NALF1: variants seen among roughly 807,000 people sequenced by gnomAD.
NALF1 encodes NALCN channel auxiliary factor 1.
A neutral mutation model predicts 48.4 loss-of-function variants in NALF1; 3 were observed. The ratio of observed to expected loss-of-function variants is 0.06; its 90% CI spans 0.03 to 0.16. NALF1 has a LOEUF of 0.16. Among genes scored for constraint, NALF1 ranks in the 10% least tolerant of loss-of-function variants. NALF1 has a pLI of 1.00. For missense variants in NALF1, 526 were observed against 571.5 expected (o/e 0.92, Z 0.81); for synonymous variants, 262 against 245.7 (o/e 1.07, Z -0.62).
intron 1 of NALF1, among the ~76,000 whole-genome samples, chr13:107,259,261 G>A (rs1389284973): frequency 5.3e-5 from 8 of 152,064 alleles, no homozygotes; most frequent in Admixed American, 4.6e-4. Flanking sequence ...TACAAGTAAC[G>A]GATCTTCAAT....
intron 1 of NALF1, among the ~76,000 whole-genome samples, chr13:107,502,064 A>G (rs1247199167): frequency 2.0e-5 from 3 of 152,172 alleles, no homozygotes; most frequent in African/African-American, 7.2e-5. Context: ...ATTGCTAAGC[A>G]CCTGTTTCAT....
intron 1 of NALF1, among the ~76,000 whole-genome samples, chr13:107,548,739 G>A (rs935290528): frequency 1.3e-5 from 2 of 151,984 alleles, no homozygotes; most frequent in African/African-American, 4.8e-5. Context: ...TGTTCTGTTG[G>A]ACCCATTGAT....
chr13:107,677,114 T>A (rs1263959916), intron 1 of NALF1, among the ~76,000 whole-genome samples: 1 of 152,260 alleles, frequency 6.6e-6, no homozygotes, highest in Non-Finnish European at 1.5e-5. Flanking sequence ...TGGTGCAATC[T>A]TGGCTTACTG....
At chr13:107,620,217 G>T (rs1321570978) in intron 1 of NALF1, among the ~76,000 whole-genome samples, 1 of 152,140 alleles carries the variant, frequency 6.6e-6, no homozygotes, top group Non-Finnish European at 1.5e-5. Flanking sequence ...ACCACAATTT[G>T]ATGGTGAGCC....
At chr13:107,507,652 T>C (rs1475480986) in intron 1 of NALF1, among the ~76,000 whole-genome samples, 2 of 148,054 alleles carry the variant, frequency 1.4e-5, no homozygotes, top group Admixed American at 6.8e-5. Context: ...CAGTAGGGAT[T>C]GCAGAGCGAC....
intron 1 of NALF1, among the ~76,000 whole-genome samples, chr13:107,508,219 T>A (rs919021771): frequency 6.6e-5 from 10 of 152,126 alleles, no homozygotes; most frequent in Admixed American, 4.6e-4. Context: ...TTTCAGCTCT[T>A]TATCTTATCT....
chr13:107,541,815 G>A (rs907426727), intron 1 of NALF1, among the ~76,000 whole-genome samples: 2 of 152,116 alleles, frequency 1.3e-5, no homozygotes, highest in Admixed American at 6.6e-5. Flanking sequence ...CCTCAATGAT[G>A]ATGGCTTTGT....
intron 2 of NALF1, among the ~76,000 whole-genome samples, chr13:107,189,824 G>C (rs1285030271): frequency 6.6e-6 from 1 of 152,188 alleles, no homozygotes; most frequent in Non-Finnish European, 1.5e-5. Context: ...AGCACATTTA[G>C]GAATTTGGAA....
At position 107,577,421 on chromosome 13, in the gene NALF1, T is replaced by A. The variant is rs143652664; in HGVS notation, c.915+288261A>T. Among the ~76,000 whole-genome samples the A allele has an allele frequency of 3.3e-5, 5 of 152,220 alleles. No homozygotes were observed. In the East Asian group the frequency reaches 9.7e-4, roughly 29 times the overall value. ...TGATACATGTTCTTGGAGACTAGCA[T>A]GCAAAACCAGGAAGAAAGGAACATA... is the stretch of plus-strand genomic sequence containing the variant. On this transcript the variant is annotated intron_variant, in intron 1 of 2. Transcript: ENST00000375915.
At chr13:107,354,309 T>C (rs917579199) in intron 1 of NALF1, among the ~76,000 whole-genome samples, 10 of 151,914 alleles carry the variant, frequency 6.6e-5, no homozygotes, top group African/African-American at 9.7e-5. Context: ...AGAGGTGGTA[T>C]TGGGGACCCT....
chr13:107,187,291 TCCTTCCACCACTTCAGG>T (rs1191212741), intron 2 of NALF1, among the ~76,000 whole-genome samples: 2 of 152,214 alleles, frequency 1.3e-5, no homozygotes, highest in African/African-American at 4.8e-5. Flanking sequence ...GGGGTCAAAC[TCCTTCCACCACTTCAGG>T]CCTTCCACCA....
intron 1 of NALF1, among the ~76,000 whole-genome samples, chr13:107,643,035 T>A (rs1301374245): frequency 2.0e-5 from 3 of 151,990 alleles, no homozygotes; most frequent in African/African-American, 4.8e-5. Context: ...CACAGCTGAC[T>A]GTTGGCTGAA....
At chr13:107,568,033 A>T (rs1465906086) in intron 1 of NALF1, among the ~76,000 whole-genome samples, 1 of 152,128 alleles carries the variant, frequency 6.6e-6, no homozygotes, top group Admixed American at 6.5e-5. Context: ...GTGGGATTGC[A>T]GTGGTGTGAA....
chr13:107,175,391 ACT>A (rs955410915), intron 2 of NALF1, among the ~76,000 whole-genome samples: 2 of 151,484 alleles, frequency 1.3e-5, no homozygotes, highest in African/African-American at 4.9e-5. Flanking sequence ...AATCGAACTG[ACT>A]CTGTTTCCTC....
At chr13:107,545,032 TG>T (rs1231399623) in intron 1 of NALF1, among the ~76,000 whole-genome samples, 2 of 152,166 alleles carry the variant, frequency 1.3e-5, no homozygotes, top group Non-Finnish European at 2.9e-5. Context: ...TGGGCTAAGT[TG>T]CCCCCTCAAA....
intron 1 of NALF1, among the ~76,000 whole-genome samples, chr13:107,693,994 T>C (rs2138506430): frequency 6.6e-6 from 1 of 152,186 alleles, no homozygotes; most frequent in East Asian, 1.9e-4. Flanking sequence ...TTGGAGATGG[T>C]GCCAGCCACC....
At chr13:107,789,732 A>C (rs911339159) in intron 1 of NALF1, among the ~76,000 whole-genome samples, 1 of 152,204 alleles carries the variant, frequency 6.6e-6, no homozygotes, top group Non-Finnish European at 1.5e-5. Context: ...CAAAGTGGCA[A>C]AATCAGAACT....
intron 1 of NALF1, among the ~76,000 whole-genome samples, chr13:107,538,594 C>G (rs1230750136): frequency 6.6e-6 from 1 of 152,050 alleles, no homozygotes; most frequent in Non-Finnish European, 1.5e-5. Flanking sequence ...TCAAATCAGA[C>G]CTCAGTTCAA....
intron 1 of NALF1, among the ~76,000 whole-genome samples, chr13:107,458,836 CTCAG>C (rs1424838733): frequency 1.3e-4 from 20 of 152,042 alleles, no homozygotes; most frequent in Non-Finnish European, 2.2e-4. Flanking sequence ...TTTTTGTTGG[CTCAG>C]TCAATTTATT....
Sources: gnomAD v4.1 joint callset for allele counts (sites outside exome capture counted in the v4.1 genomes callset) on GRCh38, gnomAD v4.1.1 for gene constraint, MANE v1.5 for transcripts, NCBI Gene and HGNC (gene_info 2026-07-23, HGNC 2026-07-21) for gene names.